Variants in SPTBN4 observed in about 807,000 individuals in gnomAD.
SPTBN4 encodes spectrin beta, non-erythrocytic 4.
A neutral mutation model predicts 277.8 loss-of-function variants in SPTBN4; 96 were observed. That is an observed-to-expected ratio of 0.35 (90% CI 0.29 to 0.41). The LOEUF is 0.41. Among genes scored for constraint, SPTBN4 ranks in the 10% least tolerant of loss-of-function variants. The probability of loss-of-function intolerance (pLI) is 1.00; values close to 1 mark genes in which losing one functional copy is unlikely to be tolerated. For missense variants in SPTBN4, 3,006 were observed against 3,595.7 expected (o/e 0.84, Z 4.19); for synonymous variants, 1,481 against 1,580.3 (o/e 0.94, Z 1.49).
Position 40,519,661 on chromosome 19 carries a change from A to T in SPTBN4, c.3164A>T (p.Gln1055Leu). Reference sequence around the variant, plus strand: ...CTGCTGGCTGAGCGCTTCCCGGCGCAGGCGGCGCGGCTGCACCAGGGCGCG... The same window carrying T: ...CTGCTGGCTGAGCGCTTCCCGGCGCTGGCGGCGCGGCTGCACCAGGGCGCG... ...AALLAERFPAQAARLHQGAEE... is the reference protein window; with the variant it reads ...AALLAERFPALAARLHQGAEE... Residue 1055 changes from glutamine (Q) to leucine (L), a missense_variant, in exon 16 of 36, where the codon CAG becomes CTG. Around this residue, in one of 5 missense-constraint regions of SPTBN4, gnomAD observed 1,759 missense variants for 2,061.5 expected, o/e 0.85. Transcript: ENST00000598249. This position sits in a 1 kb window ranked among gnomAD's most constrained non-coding sequence, Gnocchi z 5.7. 2 of 1,394,450 alleles carry T rather than the reference A, an allele frequency of 1.4e-6. No individual in the cohort carries two copies. Among genetic ancestry groups the T allele is most frequent in the Non-Finnish European group, 1.8e-6 (2 of 1,085,860 alleles). 86.4% of individuals were successfully genotyped at this position (1,394,450 alleles called of 1,614,324 possible).
chr19:40,572,482 G>A, intron 35 of SPTBN4, 102 bp downstream of exon 35: 1 of 1,436,176 alleles, frequency 7.0e-7, no homozygotes, highest in South Asian at 1.1e-5. Context: ...GACACTCACA[G>A]GCCAGAGTTA....
chr19:40,520,250 T>G, intron 16 of SPTBN4, 99 bp downstream of exon 16: 1 of 1,259,108 alleles, frequency 7.9e-7, no homozygotes, highest in Non-Finnish European at 1.0e-6. Flanking sequence ...GGGTGTTTCC[T>G]GGGACCACTG....
chr19:40,488,343 C>T (rs2080096692), intron 3 of SPTBN4, among the ~76,000 whole-genome samples: 1 of 151,950 alleles, frequency 6.6e-6, no homozygotes, highest in African/African-American at 2.4e-5. Flanking sequence ...GGGACGCAGA[C>T]GGTGTCCTGG....
chr19:40,512,527 G>C, intron 13 of SPTBN4, 79 bp from the exon 14 acceptor site: 2 of 1,424,838 alleles, frequency 1.4e-6, no homozygotes, highest in Non-Finnish European at 1.8e-6. Context: ...CAAGGACAGG[G>C]TAGGTAGCCC....
chr19:40,569,797 CAGCCAGTGCCTAGCCCTGGCAGG>C, intron 32 of SPTBN4, 71 bp downstream of exon 32: 1 of 1,448,382 alleles, frequency 6.9e-7, no homozygotes, highest in Non-Finnish European at 9.4e-7. Context: ...ATCTCAGAAA[CAGCCAGTGCCTAGCCCTGGCAGG>C]ACCCATTCCC....
intron 13 of SPTBN4, 142 bp downstream of exon 13, chr19:40,506,528 C>A: frequency 7.7e-7 from 1 of 1,292,770 alleles, no homozygotes; most frequent in Non-Finnish European, 1.0e-6. Flanking sequence ...GATTACATTC[C>A]ACTGGGGAAG....
chr19:40,519,596 G>T lies in SPTBN4; in HGVS notation c.3099G>T (p.Ala1033=). 6.8e-7 allele frequency: 1 copy of T among 1,465,628 alleles called. No individual in the cohort carries two copies. Among genetic ancestry groups the T allele is most frequent in the South Asian group, 1.4e-5 (1 of 73,822 alleles). 90.8% of individuals were successfully genotyped at this position (1,465,628 alleles called of 1,614,324 possible). A position where few individuals can be genotyped will look rare whatever the true frequency, so the allele number is the denominator to read the frequency against. The change falls in exon 16 of 36, where the codon GCG becomes GCT. Residue 1033 remains alanine, a synonymous_variant. Transcript: ENST00000598249. The surrounding 1 kb of genome is among the most constrained non-coding windows in gnomAD (Gnocchi z 5.7). ...GCGGCCTAGAGGCCGCTCTGCAGGC[G>T]CTGGAGCCGCGCCAGGCGGCCCTTC... ...RLSGLEAALQ[A]LEPRQAALLE...
At chr19:40,559,418 T>G (rs994147746) in intron 26 of SPTBN4, among the ~76,000 whole-genome samples, 1 of 152,070 alleles carries the variant, frequency 6.6e-6, no homozygotes, top group African/African-American at 2.4e-5. Context: ...GAGGCCAACC[T>G]GGGAGGATTG....
chr19:40,520,993 C>T (rs1286379268), intron 16 of SPTBN4, among the ~76,000 whole-genome samples: 1 of 151,876 alleles, frequency 6.6e-6, no homozygotes, highest in Non-Finnish European at 1.5e-5. Flanking sequence ...GGCGTGATCT[C>T]AGCTCACTGA....
chr19:40,494,783 ACC>A, intron 5 of SPTBN4, 112 bp from the exon 6 acceptor site: 4 of 791,820 alleles, frequency 5.1e-6, no homozygotes, highest in Non-Finnish European at 6.2e-6. Flanking sequence ...TCTATGTTCT[ACC>A]CCCTCTCTCT....
chr19:40,494,793 T>G, intron 5 of SPTBN4, 104 bp from the exon 6 acceptor site: 2 of 986,076 alleles, frequency 2.0e-6, no homozygotes, highest in Non-Finnish European at 3.1e-6. Flanking sequence ...ACCCCCTCTC[T>G]CTCATCTTCC....
At chr19:40,495,052 T>G in intron 6 of SPTBN4, 75 bp downstream of exon 6, 1 of 1,388,326 alleles carries the variant, frequency 7.2e-7, no homozygotes, top group South Asian at 1.2e-5. Flanking sequence ...CCTGTACATG[T>G]ACTTGTGTAG....
chr19:40,513,443 G>A lies in SPTBN4; in HGVS notation c.2654G>A (p.Arg885His), dbSNP rs766363872. ...QWLRDALAVY[R>H]MFGEVHACEL... ...CTGCGGGACGCGCTCGCTGTCTACC[G>A]CATGTTTGGCGAGGTGCACGCGTGT... Residue 885 changes from arginine (R) to histidine (H), a missense_variant, in exon 14 of 36, where the codon CGC becomes CAC. This residue lies in a region of SPTBN4 where 1,759 missense variants were observed against 2,061.5 expected (regional missense o/e 0.85). Transcript: ENST00000598249. 2 of 1,603,840 alleles carry A rather than the reference G, an allele frequency of 1.2e-6. No individual in the cohort carries two copies. Among genetic ancestry groups the A allele is most frequent in the Non-Finnish European group, 8.5e-7 (1 of 1,178,348 alleles).
At chr19:40,520,789 A>C (rs1431421197) in intron 16 of SPTBN4, among the ~76,000 whole-genome samples, 1 of 152,192 alleles carries the variant, frequency 6.6e-6, no homozygotes, top group Non-Finnish European at 1.5e-5. Flanking sequence ...ACCAAGTTTG[A>C]GAATTTTGGC....
Position 40,513,135 on chromosome 19 carries a change from C to T in SPTBN4, c.2346C>T (p.Leu782=), listed in dbSNP as rs1010587187. Residue 782 remains leucine (L), a synonymous_variant, in exon 14 of 36, where the codon CTC becomes CTT. Coordinates refer to ENST00000598249, the MANE Select transcript of SPTBN4 (RefSeq NM_020971.3). ...CGCTGCACCAGTTCGGCGCTGACCTCGACGGGCTGCTGGACTGGCTTCGCG... is the reference window on the plus strand; with the variant it reads ...CGCTGCACCAGTTCGGCGCTGACCTTGACGGGCTGCTGGACTGGCTTCGCG... The part of the protein sequence containing the change: ...ARALHQFGAD[L]DGLLDWLRDA... 17 of 1,490,576 alleles carry T rather than the reference C, an allele frequency of 1.1e-5. No individual in the cohort carries two copies. The highest frequency in any genetic ancestry group is 1.5e-5 in the Non-Finnish European group (17 of 1,129,274). The allele number at this position is 1,490,576 out of a possible 1,614,324, so 92.3% of individuals were successfully genotyped here. A position where few individuals can be genotyped will look rare whatever the true frequency, so the allele number is the denominator to read the frequency against.
intron 7 of SPTBN4, among the ~76,000 whole-genome samples, chr19:40,497,895 A>T (rs2090859697): frequency 6.7e-6 from 1 of 148,708 alleles, no homozygotes; most frequent in Non-Finnish European, 1.5e-5. Flanking sequence ...CCCATCCCCA[A>T]CACCCTCCCC....
chr19:40,564,261 G>T (rs1344997410), intron 27 of SPTBN4, among the ~76,000 whole-genome samples: 7 of 152,196 alleles, frequency 4.6e-5, no homozygotes, highest in African/African-American at 1.7e-4. Flanking sequence ...GGAAGCTGAG[G>T]CAGGGGAATC....
intron 20 of SPTBN4, chr19:40,534,604 T>G: frequency 2.1e-6 from 1 of 477,156 alleles, no homozygotes; most frequent in Non-Finnish European, 3.8e-6. Context: ...ACTAGCATGC[T>G]AAAGGTTTCA....
chr19:40,525,427 A>G (rs768808542), intron 17 of SPTBN4, among the ~76,000 whole-genome samples: 5 of 149,638 alleles, frequency 3.3e-5, no homozygotes, highest in African/African-American at 7.4e-5. Flanking sequence ...GGCTCAACCA[A>G]CTCTCCTGCC....
Sources: allele counts gnomAD v4.1 joint callset (sites outside exome capture counted in the v4.1 genomes callset), GRCh38; gene constraint gnomAD v4.1.1; regional missense constraint gnomAD v4.1.1; non-coding constraint Gnocchi (gnomAD v3.1); transcripts MANE v1.5; gene names NCBI Gene and HGNC (gene_info 2026-07-23, HGNC 2026-07-21).